ABCA13: variants seen among roughly 807,000 people sequenced by gnomAD.
ABCA13 encodes the protein ATP-binding cassette sub-family A member 13.
Under a neutral mutation model 478.7 loss-of-function variants are expected in ABCA13, and 476 were observed. That is an observed-to-expected ratio of 0.99 (90% CI 0.92 to 1.07). The LOEUF (loss-of-function observed/expected upper bound fraction) is 1.07. ABCA13 is among the 50% of genes least tolerant of loss of function. The pLI, the probability that ABCA13 is intolerant of heterozygous loss-of-function variation, is 0.00. For synonymous variants in ABCA13, 2,252 were observed against 2,158.9 expected (o/e 1.04, Z -1.20); for missense variants, 6,060 against 5,910.6 (o/e 1.03, Z -0.83).
At chr7:48,498,310 T>A (rs1256911387) in intron 48 of ABCA13, among the ~76,000 whole-genome samples, 2 of 152,184 alleles carry the variant, frequency 1.3e-5, no homozygotes, top group African/African-American at 4.8e-5. Context: ...TTGGGTTTTT[T>A]ATTTTTGGGA....
At chr7:48,361,633 T>A (rs1810848381) in intron 31 of ABCA13, among the ~76,000 whole-genome samples, 1 of 151,700 alleles carries the variant, frequency 6.6e-6, no homozygotes, top group Admixed American at 6.6e-5. Flanking sequence ...CTTAAATATT[T>A]GTAGTTAAAT....
intron 59 of ABCA13, among the ~76,000 whole-genome samples, chr7:48,642,702 G>A (rs538076865): frequency 6.6e-6 from 1 of 152,216 alleles, no homozygotes; most frequent in African/African-American, 2.4e-5. Context: ...TCTTGCTGAT[G>A]GGACACCAGT....
At chr7:48,610,646 C>T (rs997826370) in intron 58 of ABCA13, among the ~76,000 whole-genome samples, 5 of 152,226 alleles carry the variant, frequency 3.3e-5, no homozygotes, top group Non-Finnish European at 5.9e-5. Flanking sequence ...TCTGTTTGGA[C>T]AGCCAGGTGT....
intron 1 of ABCA13, among the ~76,000 whole-genome samples, chr7:48,185,437 A>G (rs1304724580): frequency 6.6e-6 from 1 of 152,228 alleles, no homozygotes; most frequent in Admixed American, 6.5e-5. Flanking sequence ...TATGATAACA[A>G]CAGCAAGATC....
chr7:48,495,028 A>G (rs1328547267), intron 48 of ABCA13, among the ~76,000 whole-genome samples: 1 of 152,218 alleles, frequency 6.6e-6, no homozygotes, highest in Non-Finnish European at 1.5e-5. Flanking sequence ...TGATGTAAGA[A>G]GAAAATGAAT....
intron 2 of ABCA13, among the ~76,000 whole-genome samples, chr7:48,195,426 C>T (rs562025855): frequency 2.0e-4 from 31 of 152,190 alleles, no homozygotes; most frequent in African/African-American, 7.2e-4. Context: ...TGCCCTGAAG[C>T]AGTGGGAAAA....
At chr7:48,448,935 C>T (rs192469271) in intron 42 of ABCA13, among the ~76,000 whole-genome samples, 72 of 152,244 alleles carry the variant, frequency 4.7e-4, no homozygotes, top group African/African-American at 1.7e-3. Context: ...CTCTACCTCC[C>T]AGGTTCAAGC....
intron 35 of ABCA13, among the ~76,000 whole-genome samples, chr7:48,381,969 C>G (rs1173319154): frequency 6.6e-6 from 1 of 152,216 alleles, no homozygotes; most frequent in Non-Finnish European, 1.5e-5. Flanking sequence ...TTTGGCAGCT[C>G]TCTGCTTTAG....
chr7:48,375,922 A>G (rs1265980629), intron 34 of ABCA13, among the ~76,000 whole-genome samples: 1 of 152,194 alleles, frequency 6.6e-6, no homozygotes, highest in Non-Finnish European at 1.5e-5. Context: ...GTAGCCTGGT[A>G]CCATAGGGAA....
chr7:48,343,582 A>G (rs767683453), intron 29 of ABCA13, among the ~76,000 whole-genome samples: 1 of 127,204 alleles, frequency 7.9e-6, no homozygotes, highest in Non-Finnish European at 1.7e-5. Flanking sequence ...AAGTCTTTAT[A>G]TAGATTTTCT....
At chr7:48,308,300 C>T (rs182512825) in intron 23 of ABCA13, among the ~76,000 whole-genome samples, 3 of 152,224 alleles carry the variant, frequency 2.0e-5, no homozygotes, top group Admixed American at 2.0e-4. Flanking sequence ...GATAACAATG[C>T]CTTCTTCTGG....
At chr7:48,284,681 T>TA (rs1381746387) in intron 19 of ABCA13, among the ~76,000 whole-genome samples, 7 of 152,252 alleles carry the variant, frequency 4.6e-5, no homozygotes, top group African/African-American at 1.7e-4. Flanking sequence ...GCTAAATTAA[T>TA]ATAGCATACT....
At chr7:48,450,653 A>C (rs550682668) in intron 42 of ABCA13, among the ~76,000 whole-genome samples, 1 of 152,210 alleles carries the variant, frequency 6.6e-6, no homozygotes, top group South Asian at 2.1e-4. Flanking sequence ...ATATATGATG[A>C]GTGTCTTCCT....
In ABCA13 at chr7:48,412,441, A is replaced by C. The variant is rs1247708744; in HGVS notation, c.12317A>C (p.Asp4106Ala). The change falls in exon 41 of 62, where the codon GAC (aspartate) becomes GCC (alanine). Residue 4106 changes from aspartate (D) to alanine (A), a missense_variant. Transcript: ENST00000435803. Reference protein sequence around the residue: ...KIYIPQAFLKDSSGSELTYTI... With the variant: ...KIYIPQAFLKASSGSELTYTI... ...TATATTCCACAAGCATTTCTCAAAG[A>C]CAGCAGTGGAAGTGAGCTGACCTAC... The C allele has an allele frequency of 6.2e-7, 1 of 1,613,604 alleles. No individual in the cohort carries two copies. Among genetic ancestry groups the C allele is most frequent in the Non-Finnish European group, 8.5e-7 (1 of 1,179,828 alleles).
At chr7:48,543,572 C>T (rs566537166) in intron 55 of ABCA13, among the ~76,000 whole-genome samples, 1 of 151,278 alleles carries the variant, frequency 6.6e-6, no homozygotes, top group East Asian at 1.9e-4. Flanking sequence ...TGCAGTGAGC[C>T]GAGATCGCAC....
chr7:48,428,668 T>C (rs931872866), intron 42 of ABCA13, among the ~76,000 whole-genome samples: 3 of 152,226 alleles, frequency 2.0e-5, no homozygotes, highest in Non-Finnish European at 4.4e-5. Flanking sequence ...CTTAGTAGTA[T>C]CAGATTTGAA....
intron 55 of ABCA13, 73 bp downstream of exon 55, chr7:48,528,418 C>A: frequency 9.5e-7 from 1 of 1,049,640 alleles, no homozygotes; most frequent in Non-Finnish European, 1.3e-6. Flanking sequence ...CATTTTCCCT[C>A]AGTCCCGTGG....
intron 41 of ABCA13, among the ~76,000 whole-genome samples, chr7:48,424,358 A>G (rs1348469680): frequency 6.6e-6 from 1 of 152,232 alleles, no homozygotes; most frequent in Non-Finnish European, 1.5e-5. Flanking sequence ...ATAAATAGTG[A>G]TTTAAATATT....
intron 48 of ABCA13, among the ~76,000 whole-genome samples, chr7:48,505,132 A>G (rs1334250795): frequency 2.0e-5 from 3 of 152,158 alleles, no homozygotes; most frequent in East Asian, 1.9e-4. Context: ...GGAAAACTGT[A>G]CAGTGGATTT....
Sources: gnomAD v4.1 joint callset for allele counts (sites outside exome capture counted in the v4.1 genomes callset) on GRCh38, gnomAD v4.1.1 for gene constraint, MANE v1.5 for transcripts, NCBI Gene and HGNC (gene_info 2026-07-23, HGNC 2026-07-21) for gene names.